PGAP6: variants seen among roughly 807,000 people sequenced by gnomAD.
PGAP6 encodes post-GPI attachment to proteins 6.
PGAP6 carries 62 observed loss-of-function variants against 68.4 expected under a neutral mutation model. The observed-to-expected ratio is 0.91, with a 90% CI of 0.74 to 1.12. PGAP6 has a LOEUF of 1.12. Ranked by LOEUF, PGAP6 falls within the 50% of genes most tolerant of loss-of-function variation. The probability of loss-of-function intolerance (pLI) is 0.00; values close to 1 mark genes in which losing one functional copy is unlikely to be tolerated. For synonymous variants in PGAP6, 575 were observed against 474.0 expected, an observed-to-expected ratio of 1.21 and a Z score of -2.77; for missense variants, 1,188 against 1,068.5, an observed-to-expected ratio of 1.11 and a Z score of -1.56.
Position 374,398 on chromosome 16 carries a change from G to T in PGAP6, c.1578C>A (p.Gly526=). ...TGTCCGTGCAGCTCCACCCACGCCA[G>T]CCTGCGGTCACAAAACCCCGACGCG... ...YLYASCSCKA[G]WRGWSCTDNS... The change falls in exon 10 of 13, where the codon GGC becomes GGA. Residue 526 remains glycine, a splice_region_variant and synonymous_variant. Transcript: ENST00000431232. 6.4e-7 allele frequency: 1 copy of T among 1,566,656 alleles called. No homozygotes were observed.
intron 6 of PGAP6, 96 bp downstream of exon 6, chr16:376,040 G>C: frequency 7.8e-7 from 1 of 1,276,242 alleles, no homozygotes. Context: ...TCACTGTGCC[G>C]CCTGTCCCGT....
In PGAP6 at chr16:372,155, G is replaced by A; in HGVS notation, c.2148C>T (p.Asp716=). The change falls in exon 13 of 13, where the codon GAC becomes GAT. Residue 716 remains aspartate, a synonymous_variant. Coordinates refer to ENST00000431232, the MANE Select transcript of PGAP6 (RefSeq NM_021259.3). ...AGATGCTGTGGGTGTAGTAGTAGTT[G>A]TCGCTAGTCATCATGGAGGTGTAGA... ...IAIYTSMMTS[D]NYYYTHSIWH... The A allele has an allele frequency of 1.2e-6, 2 of 1,612,962 alleles. No homozygotes were observed. The highest frequency in any genetic ancestry group is 1.7e-6 in the Non-Finnish European group (2 of 1,179,970).
At chr16:374,663 C>T (rs776830528) in intron 9 of PGAP6, 93 bp downstream of exon 9, 5 of 1,527,030 alleles carry the variant, frequency 3.3e-6, no homozygotes, top group Non-Finnish European at 4.4e-6. Flanking sequence ...CTCTCTCCAG[C>T]CCCTTGCGGC....
Position 376,822 on chromosome 16 carries a change from G to A in PGAP6, c.636-10C>T, listed in dbSNP as rs1192846700. On this transcript the variant is annotated splice_polypyrimidine_tract_variant and intron_variant, in intron 4 of 12. Transcript: ENST00000431232. Reference sequence around the variant, plus strand: ...ATCGGGGACAAAGACCCTGCAGCGAGGGGACACAGCTGGCTCAGGCTCTGC... The same window carrying A: ...ATCGGGGACAAAGACCCTGCAGCGAAGGGACACAGCTGGCTCAGGCTCTGC... 6.2e-7 allele frequency: 1 copy of A among 1,602,466 alleles called. No homozygotes were observed. The highest frequency in any genetic ancestry group is 2.2e-5 in the East Asian group (1 of 44,860).
At chr16:379,724 A>G (rs568650464) in intron 1 of PGAP6, among the ~76,000 whole-genome samples, 4 of 152,256 alleles carry the variant, frequency 2.6e-5, no homozygotes, top group South Asian at 2.1e-4. Context: ...GAGATAAGAG[A>G]TCTGTTCAAG....
At chr16:374,672 G>T in intron 9 of PGAP6, 84 bp downstream of exon 9, 1 of 1,559,622 alleles carries the variant, frequency 6.4e-7, no homozygotes, top group Admixed American at 1.8e-5. Context: ...GCCCCTTGCG[G>T]CGCTCCCCCA....
rs1422130781 is a variant in PGAP6, at chr16:379,241, C to A, written c.122-1393G>T. 2.6e-5 allele frequency among the ~76,000 whole-genome samples: 4 copies of A among 152,314 alleles called. No homozygotes were observed. In the East Asian group the frequency reaches 7.7e-4, roughly 29 times the overall value. On this transcript the variant is annotated intron_variant, in intron 1 of 12. Coordinates refer to ENST00000431232, the MANE Select transcript of PGAP6 (RefSeq NM_021259.3). Reference sequence around the variant, plus strand: ...GGAGAGTGGCTGGCTCAGGCCCAGGCCCCTCCTGAGGAGGGAGACAGGTGA... The same window carrying A: ...GGAGAGTGGCTGGCTCAGGCCCAGGACCCTCCTGAGGAGGGAGACAGGTGA...
In PGAP6 at chr16:377,764, C is replaced by T. The variant is rs780259764; in HGVS notation, c.206G>A (p.Arg69His). 1.1e-5 allele frequency: 18 copies of T among 1,591,606 alleles called. No homozygotes were observed. Among genetic ancestry groups the T allele is most frequent in the East Asian group, 2.3e-5 (1 of 43,708 alleles). The change falls in exon 2 of 13, where the codon CGC becomes CAC. Residue 69 changes from arginine (R) to histidine (H), a missense_variant. Physicochemically the swap from Arg to His is conservative, Grantham distance 29. Transcript: ENST00000431232. ...CACAGCATCTGGGGGCACGCGGAAG[C>T]GGAAGAGCCTGGCACTGCCGTACCA... ...YSWYGSARLF[R>H]FRVPPDAVLL...
rs909571080 is a variant in PGAP6, at chr16:373,873, G to A, written c.1902+132C>T. On this transcript the variant is annotated intron_variant, in intron 11 of 12. Coordinates refer to ENST00000431232, the MANE Select transcript of PGAP6 (RefSeq NM_021259.3). The stretch of plus-strand genomic sequence containing the variant: ...ATTACAGGTGTGAGCCACCATGCTC[G>A]GCCGAGATGTGAGGTTTCCAGGGGC... 7 of 1,166,678 alleles carry A rather than the reference G, an allele frequency of 6.0e-6. No individual in the cohort carries two copies. The South Asian group carries it at 8.0e-5, about 13-fold the overall frequency. The allele number at this position is 1,166,678 out of a possible 1,614,324, so 72.3% of individuals were successfully genotyped here. A position where few individuals can be genotyped will look rare whatever the true frequency, so the allele number is the denominator to read the frequency against.
chr16:371,944 G>C lies in PGAP6; in HGVS notation c.*43C>G. 1 of 1,584,634 alleles carries C rather than the reference G, an allele frequency of 6.3e-7. No individual in the cohort carries two copies. Among genetic ancestry groups the C allele is most frequent in the Non-Finnish European group, 8.6e-7 (1 of 1,163,242 alleles). On this transcript the variant is annotated 3_prime_UTR_variant, in exon 13 of 13. Transcript: ENST00000431232. ...GCGCCTCCCCCTCGATACAGCTCCT[G>C]GCTGAAGAGGTCATCAGAGCAGCAG...
At chr16:382,200 G>A (rs1011679044), upstream of PGAP6, 4 of 392,288 alleles carry the variant, frequency 1.0e-5, no homozygotes, top group South Asian at 1.3e-4. Context: ...GTCCCAGGAC[G>A]GAGAGGTCGC....
At chr16:380,841 G>A (rs1267103732) in intron 1 of PGAP6, among the ~76,000 whole-genome samples, 1 of 152,114 alleles carries the variant, frequency 6.6e-6, no homozygotes, top group Non-Finnish European at 1.5e-5. Flanking sequence ...GAACAGCACC[G>A]CATCAGCTGC....
At position 377,132 on chromosome 16, in the gene PGAP6, C is replaced by T. The variant is rs1464448632; in HGVS notation, c.540G>A (p.Gln180=). The change falls in exon 4 of 13, where the codon CAG becomes CAA. Residue 180 remains glutamine (Q), a synonymous_variant. Transcript: ENST00000431232. ...GLAPTCAYVF[Q]PELLVTRVVE... ...CCACCCGCGTGACCAGCAGTTCAGGCTGGAAGACGTAGGCACAGGTGGGAG... is the reference window on the plus strand; with the variant it reads ...CCACCCGCGTGACCAGCAGTTCAGGTTGGAAGACGTAGGCACAGGTGGGAG... The T allele has an allele frequency of 6.2e-7, 1 of 1,613,654 alleles. No individual in the cohort carries two copies. Among genetic ancestry groups the T allele is most frequent in the Non-Finnish European group, 8.5e-7 (1 of 1,180,010 alleles).
chr16:374,773 C>T lies in PGAP6; in HGVS notation c.1559G>A (p.Ser520Asn), dbSNP rs1360930140. The T allele has an allele frequency of 1.2e-6, 2 of 1,612,602 alleles. No individual in the cohort carries two copies. The highest frequency in any genetic ancestry group is 1.7e-6 in the Non-Finnish European group (2 of 1,179,924). Residue 520 changes from serine (S) to asparagine (N), a missense_variant, in exon 9 of 13, where the codon AGC (serine) becomes AAC (asparagine). Coordinates refer to ENST00000431232, the MANE Select transcript of PGAP6 (RefSeq NM_021259.3). ...LLRRHSYLYA[S>N]CSCKAGWRGW... ...GCACTCACCTGCCTTGCAGCTGCAG[C>T]TGGCATACAGGTAGCTGTGTCTGCG...
intron 1 of PGAP6, among the ~76,000 whole-genome samples, chr16:378,970 G>GC (rs906292105): frequency 6.6e-6 from 1 of 152,208 alleles, no homozygotes; most frequent in Non-Finnish European, 1.5e-5. Flanking sequence ...CTCACCCCCA[G>GC]CCCCCCGTGC....
chr16:371,741 C>A lies in PGAP6; in HGVS notation c.*246G>T, dbSNP rs2054334776. The stretch of plus-strand genomic sequence containing the variant: ...GGTCTCCAAGTAACCAAGCCCAGGC[C>A]CCAGGGGCCACTGCAGACAGCAGCT... On this transcript the variant is annotated 3_prime_UTR_variant, in exon 13 of 13. Coordinates refer to ENST00000431232, the MANE Select transcript of PGAP6 (RefSeq NM_021259.3). 1.9e-6 allele frequency: 1 copy of A among 520,306 alleles called. No homozygotes were observed. The allele number at this position is 520,306 out of a possible 1,614,324, so 32.2% of individuals were successfully genotyped here.
chr16:385,478 AT>A (rs56655126), upstream of PGAP6, among the ~76,000 whole-genome samples: 2 of 145,012 alleles, frequency 1.4e-5, no homozygotes, highest in Non-Finnish European at 1.5e-5. Flanking sequence ...TTCCTGGCTA[AT>A]TTTTTTTGTT....
At chr16:382,194 C>T (rs2054450095), upstream of PGAP6, 5 of 391,886 alleles carry the variant, frequency 1.3e-5, no homozygotes, top group African/African-American at 4.2e-5. Flanking sequence ...GCGGGGGTCC[C>T]AGGACGGAGA....
chr16:372,424 G>A (rs890488027), intron 12 of PGAP6, 141 bp from the exon 13 acceptor site: 3 of 1,055,996 alleles, frequency 2.8e-6, no homozygotes, highest in Non-Finnish European at 4.2e-6. Flanking sequence ...GGGGGCTCAA[G>A]GCCACTGGTC....
Sources: allele counts gnomAD v4.1 joint callset (sites outside exome capture counted in the v4.1 genomes callset), GRCh38; gene constraint gnomAD v4.1.1; transcripts MANE v1.5; gene names NCBI Gene and HGNC (gene_info 2026-07-23, HGNC 2026-07-21).